Variants in NLRP5 observed in about 807,000 individuals in gnomAD.
The protein encoded by NLRP5 is NLR family pyrin domain containing 5.
NLRP5 carries 93 observed loss-of-function variants against 113.1 expected under a neutral mutation model. The observed-to-expected ratio is 0.82, with a 90% confidence interval of 0.70 to 0.98. The LOEUF is 0.98. NLRP5 is among the 50% of genes least tolerant of loss of function. The pLI, the probability that NLRP5 is intolerant of heterozygous loss-of-function variation, is 0.00. For synonymous variants in NLRP5, 751 were observed against 600.7 expected, an observed-to-expected ratio of 1.25 and a Z score of -3.66; for missense variants, 1,808 against 1,514.3, an observed-to-expected ratio of 1.19 and a Z score of -3.22.
At chr19:56,005,289 TTA>T (rs1160192040) in intron 2 of NLRP5, among the ~76,000 whole-genome samples, 3 of 146,990 alleles carry the variant, frequency 2.0e-5, no homozygotes, top group Admixed American at 6.9e-5. Context: ...ACATATATTT[TTA>T]TATATACACA....
chr19:56,014,522 T>C (rs1467367897), intron 3 of NLRP5, among the ~76,000 whole-genome samples: 1 of 151,972 alleles, frequency 6.6e-6, no homozygotes, highest in Non-Finnish European at 1.5e-5. Flanking sequence ...TCAGAAGGTT[T>C]ACACCAATAT....
chr19:56,032,344 CAAA>C (rs34855619), intron 7 of NLRP5, among the ~76,000 whole-genome samples: 11 of 123,586 alleles, frequency 8.9e-5, no homozygotes, highest in South Asian at 2.6e-4. Flanking sequence ...GACTCCATCT[CAAA>C]AAAAAAAAAA....
chr19:56,008,131 TG>T (rs1982019925), intron 2 of NLRP5, among the ~76,000 whole-genome samples: 1 of 150,836 alleles, frequency 6.6e-6, no homozygotes, highest in African/African-American at 2.4e-5. Context: ...GGTTTCACCA[TG>T]TTAGCCAGGA....
chr19:56,055,452 ATTTC>A (rs986709402), intron 13 of NLRP5, among the ~76,000 whole-genome samples: 2 of 137,986 alleles, frequency 1.4e-5, no homozygotes, highest in African/African-American at 5.4e-5. Context: ...ACTTTATCTT[ATTTC>A]TTATTAAATC....
At chr19:55,990,374 A>C in the NLRP5 span, among the ~76,000 whole-genome samples, 1 of 151,902 alleles carries the variant, frequency 6.6e-6, no homozygotes, top group Non-Finnish European at 1.5e-5. Context: ...CAAAAGTCAT[A>C]TGCAGTTTTT....
chr19:56,038,259 T>G, intron 10 of NLRP5, 64 bp downstream of exon 10: 1 of 1,524,856 alleles, frequency 6.6e-7, no homozygotes, highest in African/African-American at 1.4e-5. Context: ...GTAACTTCGA[T>G]TCTCCAGGTC....
Position 56,041,062 on chromosome 19 carries a change from G to A in NLRP5, c.2927G>A (p.Arg976Lys). The A allele has an allele frequency of 4.3e-6, 7 of 1,613,950 alleles. No individual in the cohort carries two copies. The highest frequency in any genetic ancestry group is 5.9e-6 in the Non-Finnish European group (7 of 1,179,888). ...GTAAATCTACTGTGTCGATCCATGAGGCTTCCCCACTGTAGTCTGCAGAGG... is the reference window on the plus strand; with the variant it reads ...GTAAATCTACTGTGTCGATCCATGAAGCTTCCCCACTGTAGTCTGCAGAGG... Residue 976 changes from arginine to lysine, a missense_variant, in exon 11 of 15, where the codon AGG becomes AAG. Arg to Lys is a conservative substitution (Grantham distance 26, BLOSUM62 2). Transcript: ENST00000390649.
chr19:56,043,839 A>T (rs950611898), intron 11 of NLRP5, among the ~76,000 whole-genome samples: 52 of 151,106 alleles, frequency 3.4e-4, no homozygotes, highest in Non-Finnish European at 6.5e-4. Context: ...AGCCTCCCAA[A>T]GTGCTGGGAT....
intron 3 of NLRP5, among the ~76,000 whole-genome samples, chr19:56,013,560 C>T (rs570214088): frequency 3.2e-5 from 4 of 125,896 alleles, no homozygotes; most frequent in South Asian, 2.6e-4. Context: ...ATATATATAC[C>T]GCTTCTTGTT....
At chr19:56,055,533 C>CTTTTTT (rs1491011983) in intron 13 of NLRP5, among the ~76,000 whole-genome samples, 2,684 of 99,158 alleles carry the variant, frequency 0.027, 259 homozygotes, top group Non-Finnish European at 0.04. Context: ...TTTTCTTTCT[C>CTTTTTT]TGTCTTTTTT....
chr19:56,005,646 G>A (rs1042131183), intron 2 of NLRP5, among the ~76,000 whole-genome samples: 2 of 147,316 alleles, frequency 1.4e-5, no homozygotes, highest in Non-Finnish European at 3.0e-5. Flanking sequence ...ACACACACGC[G>A]CGCAGGTGGC....
chr19:56,049,004 CAG>C (rs1444119807), intron 11 of NLRP5, among the ~76,000 whole-genome samples: 1 of 82,978 alleles, frequency 1.2e-5, no homozygotes, highest in African/African-American at 5.3e-5. Flanking sequence ...TTTTTTGAGA[CAG>C]AGTCTTGCTC....
intron 11 of NLRP5, among the ~76,000 whole-genome samples, chr19:56,044,686 C>T (rs1480650015): frequency 1.3e-5 from 2 of 151,876 alleles, no homozygotes; most frequent in African/African-American, 4.8e-5. Context: ...TTGCTTTGGC[C>T]ATGCTGGCTC....
chr19:56,061,562 G>A lies in NLRP5; in HGVS notation c.*34G>A. On this transcript the variant is annotated 3_prime_UTR_variant, in exon 15 of 15. Coordinates refer to ENST00000390649, the MANE Select transcript of NLRP5 (RefSeq NM_153447.4). ...AAACCTGCCCCACTCACACCCATCTGATGGAGGAACTTTAAACGCTGTTTT... is the reference window on the plus strand; with the variant it reads ...AAACCTGCCCCACTCACACCCATCTAATGGAGGAACTTTAAACGCTGTTTT... The A allele has an allele frequency of 6.2e-7, 1 of 1,612,162 alleles. No individual in the cohort carries two copies. Among genetic ancestry groups the A allele is most frequent in the South Asian group, 1.1e-5 (1 of 90,854 alleles).
upstream of NLRP5, among the ~76,000 whole-genome samples, chr19:55,995,631 CGTT>C (rs928103155): frequency 6.6e-6 from 1 of 152,026 alleles, no homozygotes; most frequent in African/African-American, 2.4e-5. Context: ...TGAAGAATGT[CGTT>C]GGTGTTTTGA....
In NLRP5 at chr19:56,036,069, T is replaced by TC. The variant is rs1232983077; in HGVS notation, c.2616-1956_2616-1955insC. On this transcript the variant is annotated intron_variant, in intron 9 of 14. Coordinates refer to ENST00000390649, the MANE Select transcript of NLRP5 (RefSeq NM_153447.4). Reference sequence around the variant, plus strand: ...AATGAATTGAGATTCTTTTTTTTTTTTTTTTTTTTTTGGAGACAGAGTCTT... The same window carrying TC: ...AATGAATTGAGATTCTTTTTTTTTTTCTTTTTTTTTTTGGAGACAGAGTCTT... Among the ~76,000 whole-genome samples the TC allele has an allele frequency of 2.1e-5, 3 of 139,962 alleles. No individual in the cohort carries two copies. The East Asian group carries it at 6.4e-4, about 30-fold the overall frequency. 91.8% of individuals were successfully genotyped at this position (139,962 alleles called of 152,430 possible).
intron 14 of NLRP5, 39 bp from the exon 15 acceptor site, chr19:56,061,357 G>GC: frequency 6.3e-7 from 1 of 1,599,854 alleles, no homozygotes; most frequent in Non-Finnish European, 8.5e-7. Flanking sequence ...AGAGTCGAAA[G>GC]CAACATCTCA....
At chr19:56,025,875 C>T (rs1422878237) in intron 6 of NLRP5, among the ~76,000 whole-genome samples, 1 of 152,054 alleles carries the variant, frequency 6.6e-6, no homozygotes, top group Non-Finnish European at 1.5e-5. Flanking sequence ...CTTATGTTGG[C>T]ATACATCATT....
In NLRP5 at chr19:56,003,987, C is replaced by A; in HGVS notation, c.334C>A (p.Leu112Ile). Residue 112 changes from leucine (L) to isoleucine (I), a missense_variant, in exon 2 of 15, where the codon CTC (leucine) becomes ATC (isoleucine). Physicochemically the swap from Leu to Ile is conservative, Grantham distance 5. Coordinates refer to ENST00000390649, the MANE Select transcript of NLRP5 (RefSeq NM_153447.4). ...TGCCAACGTGGAATGTCTGGCACTC[C>A]TCTTGCATGAGTATTATGGAGCATC... 6 of 1,613,974 alleles carry A rather than the reference C, an allele frequency of 3.7e-6. No homozygotes were observed. The highest frequency in any genetic ancestry group is 5.1e-6 in the Non-Finnish European group (6 of 1,179,892).
Sources: allele counts gnomAD v4.1 joint callset (sites outside exome capture counted in the v4.1 genomes callset), GRCh38; gene constraint gnomAD v4.1.1; transcripts MANE v1.5; gene names NCBI Gene and HGNC (gene_info 2026-07-23, HGNC 2026-07-21).